The following LARS1 variants were observed in gnomAD, a reference collection of about 807,000 sequenced individuals.
LARS1 encodes leucyl-tRNA synthetase 1.
LARS1 carries 100 observed loss-of-function variants against 162.8 expected under a neutral mutation model. The observed-to-expected ratio is 0.61, with a 90% CI of 0.52 to 0.73. LARS1 has a LOEUF of 0.73. Among genes scored for constraint, LARS1 ranks in the 30% least tolerant of loss-of-function variants. The probability of loss-of-function intolerance (pLI) is 0.00; values close to 1 mark genes in which losing one functional copy is unlikely to be tolerated. For synonymous variants in LARS1, 457 were observed against 462.8 expected (o/e 0.99, Z 0.16); for missense variants, 1,258 against 1,408.9 (o/e 0.89, Z 1.71).
At chr5:146,159,611 C>T (rs1753688323) in intron 7 of LARS1, 141 bp from the exon 8 acceptor site, 3 of 605,788 alleles carry the variant, frequency 5.0e-6, no homozygotes, top group Non-Finnish European at 8.8e-6. Context: ...TATGTGTACT[C>T]TTATGGTAGT....
chr5:146,136,941 C>T (rs1003328820), intron 21 of LARS1, among the ~76,000 whole-genome samples: 4 of 152,094 alleles, frequency 2.6e-5, no homozygotes, highest in African/African-American at 2.4e-5. Flanking sequence ...ACTCTTGTCG[C>T]GCAAGGCCTG....
intron 30 of LARS1, among the ~76,000 whole-genome samples, chr5:146,121,756 C>A (rs1243834085): frequency 1.3e-5 from 2 of 152,072 alleles, no homozygotes; most frequent in Non-Finnish European, 2.9e-5. Context: ...TGTTCTCACT[C>A]CCAAGCTGGA....
chr5:146,182,555 T>G lies in LARS1; in HGVS notation c.-62A>C, dbSNP rs1754920648. On this transcript the variant is annotated 5_prime_UTR_variant, in exon 1 of 32. Coordinates refer to ENST00000394434, the MANE Select transcript of LARS1 (RefSeq NM_020117.11). ...GACCCTGGCGACCTCCACAAAGGAG[T>G]GGTTACCTTTCCCCTCCCTCTCGGG... 1 of 1,610,396 alleles carries G rather than the reference T, an allele frequency of 6.2e-7. No homozygotes were observed. Among genetic ancestry groups the G allele is most frequent in the Admixed American group, 1.7e-5 (1 of 59,918 alleles).
intron 15 of LARS1, 30 bp from the exon 16 acceptor site, chr5:146,144,739 A>G (rs1398747560): frequency 1.1e-5 from 17 of 1,550,146 alleles, no homozygotes; most frequent in Non-Finnish European, 1.3e-5. Context: ...CATACATTAG[A>G]TACTATGTCA....
In LARS1 at chr5:146,152,001, A is replaced by G. The variant is rs1181579783; in HGVS notation, c.1286T>C (p.Val429Ala). 6.2e-7 allele frequency: 1 copy of G among 1,613,776 alleles called. No individual in the cohort carries two copies. The highest frequency in any genetic ancestry group is 1.1e-5 in the South Asian group (1 of 91,090). ...AAAACCTGGGATTTCAATGACTGGC[A>G]CCTGCAGCAAACAGCAATCAGGAAC... ...RDDMVLPFEPVPVIEIPGFGN... is the reference protein window; with the variant it reads ...RDDMVLPFEPAPVIEIPGFGN... Residue 429 changes from valine to alanine, a missense_variant and splice_region_variant, in exon 14 of 32, where the codon GTG (valine) becomes GCG (alanine). Physicochemically the swap from Val to Ala is moderately conservative, Grantham distance 64. Transcript: ENST00000394434.
intron 31 of LARS1, among the ~76,000 whole-genome samples, chr5:146,114,593 G>T (rs1399331192): frequency 6.6e-6 from 1 of 151,842 alleles, no homozygotes; most frequent in Non-Finnish European, 1.5e-5. Flanking sequence ...AAAATTAGCT[G>T]GGCCTGGTGA....
intron 2 of LARS1, among the ~76,000 whole-genome samples, chr5:146,173,582 G>A (rs990047915): frequency 4.7e-5 from 7 of 149,364 alleles, no homozygotes; most frequent in African/African-American, 1.7e-4. Flanking sequence ...TGTAAAGACA[G>A]GGTTCTCAAT....
At chr5:146,137,177 C>T (rs1366498071) in intron 21 of LARS1, among the ~76,000 whole-genome samples, 4 of 152,198 alleles carry the variant, frequency 2.6e-5, no homozygotes, top group Admixed American at 1.3e-4. Flanking sequence ...GGATTATAGG[C>T]GTGAGTCACC....
intron 15 of LARS1, among the ~76,000 whole-genome samples, chr5:146,148,614 G>T (rs913240299): frequency 6.6e-6 from 1 of 152,112 alleles, no homozygotes; most frequent in African/African-American, 2.4e-5. Context: ...ACAGGGTATG[G>T]AGTAGTATAT....
chr5:146,156,698 A>G (rs1181414506), intron 10 of LARS1, among the ~76,000 whole-genome samples: 1 of 152,102 alleles, frequency 6.6e-6, no homozygotes, highest in East Asian at 1.9e-4. Context: ...GTCTACAAAA[A>G]AAAAAATAAA....
rs376815909 is a variant in LARS1, at chr5:146,162,681, G to A, written c.594+1629C>T. Among the ~76,000 whole-genome samples, 11 of 152,344 alleles carry A rather than the reference G, an allele frequency of 7.2e-5. No homozygotes were observed. The East Asian group carries it at 1.9e-3, about 27-fold the overall frequency. On this transcript the variant is annotated intron_variant, in intron 6 of 31. Transcript: ENST00000394434. ...CAGACACTGACTTCTCTCTAGCTATGGAAGTCTTACAGCATCTTAATCACT... is the reference window on the plus strand; with the variant it reads ...CAGACACTGACTTCTCTCTAGCTATAGAAGTCTTACAGCATCTTAATCACT...
chr5:146,122,783 G>A (rs73315734), intron 29 of LARS1, among the ~76,000 whole-genome samples, 196 bp from the exon 30 acceptor site: 6 of 151,968 alleles, frequency 3.9e-5, no homozygotes, highest in Non-Finnish European at 8.8e-5. Context: ...ATGTCTCATA[G>A]TATTGTTATT....
At chr5:146,143,783 G>A (rs950835834) in intron 18 of LARS1, among the ~76,000 whole-genome samples, 3 of 152,214 alleles carry the variant, frequency 2.0e-5, no homozygotes. Context: ...TGGATCACCT[G>A]AGGTCGGGAG....
chr5:146,178,228 C>A (rs925233581), intron 1 of LARS1, among the ~76,000 whole-genome samples: 1 of 152,144 alleles, frequency 6.6e-6, no homozygotes, highest in Non-Finnish European at 1.5e-5. Flanking sequence ...ACACTGTCAT[C>A]AAATGTTTCT....
chr5:146,117,775 T>C (rs1331499968), intron 31 of LARS1, among the ~76,000 whole-genome samples: 7 of 152,076 alleles, frequency 4.6e-5, no homozygotes, highest in Admixed American at 3.3e-4. Context: ...TAAATGCATA[T>C]AACATGATGA....
chr5:146,157,254 T>C lies in LARS1; in HGVS notation c.1065+149A>G, dbSNP rs151081054. On this transcript the variant is annotated intron_variant, in intron 10 of 31. Coordinates refer to ENST00000394434, the MANE Select transcript of LARS1 (RefSeq NM_020117.11). Reference sequence around the variant, plus strand: ...GTGTTTACGTAAGTGTATATACATATGAAAATGCACCAAAACACACAAGAC... The same window carrying C: ...GTGTTTACGTAAGTGTATATACATACGAAAATGCACCAAAACACACAAGAC... 1,004 of 694,346 alleles carry C rather than the reference T, an allele frequency of 1.4e-3. 6 individuals carry two copies. In the African/African-American group the frequency reaches 0.015, roughly 11 times the overall value. 43.0% of individuals were successfully genotyped at this position (694,346 alleles called of 1,614,324 possible).
chr5:146,161,395 G>A (rs990252454), intron 6 of LARS1, among the ~76,000 whole-genome samples: 2 of 152,206 alleles, frequency 1.3e-5, no homozygotes, highest in African/African-American at 2.4e-5. Flanking sequence ...TGTAGCATGC[G>A]ATGCTGTCTG....
rs774393338 is a variant in LARS1, at chr5:146,130,065, G to C, written c.2581C>G (p.Pro861Ala). ...FIEVQTLLLA[P>A]FCPHLCEHIW... Reference sequence around the variant, plus strand: ...TGCTCACACAAATGTGGACAGAATGGAGCGAGGAGAAGTGTCTGAACTTCA... The same window carrying C: ...TGCTCACACAAATGTGGACAGAATGCAGCGAGGAGAAGTGTCTGAACTTCA... Residue 861 changes from proline to alanine, a missense_variant, in exon 25 of 32, where the codon CCA becomes GCA. By Grantham distance (27) the Pro-to-Ala change is conservative. Coordinates refer to ENST00000394434, the MANE Select transcript of LARS1 (RefSeq NM_020117.11). 1.2e-6 allele frequency: 2 copies of C among 1,613,990 alleles called. No individual in the cohort carries two copies. The highest frequency in any genetic ancestry group is 2.2e-5 in the South Asian group (2 of 91,076).
At chr5:146,140,868 CATAT>C (rs891794302) in intron 20 of LARS1, among the ~76,000 whole-genome samples, 6 of 151,730 alleles carry the variant, frequency 4.0e-5, no homozygotes, top group African/African-American at 9.7e-5. Flanking sequence ...CACACACACA[CATAT>C]ATATACACAC....
Sources: gnomAD v4.1 joint callset for allele counts (sites outside exome capture counted in the v4.1 genomes callset) on GRCh38, gnomAD v4.1.1 for gene constraint, MANE v1.5 for transcripts, NCBI Gene and HGNC (gene_info 2026-07-23, HGNC 2026-07-21) for gene names.